CCDC157: variants seen among roughly 807,000 people sequenced by gnomAD.
The protein encoded by CCDC157 is coiled-coil domain containing 157.
In CCDC157, 60 loss-of-function variants were observed where a neutral mutation model predicts 70.9. The ratio of observed to expected loss-of-function variants is 0.85; its 90% CI spans 0.69 to 1.05. CCDC157 has a LOEUF of 1.05. Among genes scored for constraint, CCDC157 ranks in the 50% least tolerant of loss-of-function variants. The pLI is 0.00. For missense variants in CCDC157, 943 were observed against 984.2 expected (o/e 0.96, Z 0.56); for synonymous variants, 373 against 422.4 (o/e 0.88, Z 1.43).
At position 30,370,700 on chromosome 22, in the gene CCDC157, G is replaced by A; in HGVS notation, c.795G>A (p.Arg265=). The change falls in exon 5 of 12, where the codon AGG becomes AGA. Residue 265 remains arginine (R), a synonymous_variant. Coordinates refer to ENST00000338306, the MANE Select transcript of CCDC157 (RefSeq NM_001017437.5). The part of the protein sequence containing the change: ...QQLVQDSMGL[R]PLPAATVGRW... ...TGGTGCAGGACAGCATGGGGCTCAG[G>A]CCACTGCCGGCTGCCACCGTGGGCC... The A allele has an allele frequency of 1.9e-6, 3 of 1,613,410 alleles. No individual in the cohort carries two copies. Among genetic ancestry groups the A allele is most frequent in the Non-Finnish European group, 2.5e-6 (3 of 1,179,830 alleles).
chr22:30,368,380 A>G (rs535914563), intron 3 of CCDC157, among the ~76,000 whole-genome samples: 5 of 152,244 alleles, frequency 3.3e-5, no homozygotes, highest in South Asian at 2.1e-4. Context: ...CCTCTGCCCT[A>G]CCTGACCCTC....
At position 30,370,577 on chromosome 22, in the gene CCDC157, C is replaced by T. The variant is rs199878034; in HGVS notation, c.672C>T (p.Cys224=). The change falls in exon 5 of 12, where the codon TGC becomes TGT. Residue 224 remains cysteine (C), a synonymous_variant. Coordinates refer to ENST00000338306, the MANE Select transcript of CCDC157 (RefSeq NM_001017437.5). Reference sequence around the variant, plus strand: ...CGGCCCTGGTGCCCTGTGACGCATGCGCCAGCGTCCAGGGAAGCCTGCAGA... The same window carrying T: ...CGGCCCTGGTGCCCTGTGACGCATGTGCCAGCGTCCAGGGAAGCCTGCAGA... The part of the protein sequence containing the change: ...IETALVPCDA[C]ASVQGSLQKV... The T allele has an allele frequency of 8.7e-6, 14 of 1,614,042 alleles. No homozygotes were observed. Among genetic ancestry groups the T allele is most frequent in the East Asian group, 6.7e-5 (3 of 44,880 alleles).
chr22:30,375,479 G>C lies in CCDC157; in HGVS notation c.1673G>C (p.Gly558Ala). ...TAAGGTCCTGTCCCATTGGGCACAG[G>C]AGGCAGATCCAGCAGCGTGGAATCC... ...LHRPTETQIH[G>A]GRSSSVESQI... The change falls in exon 10 of 12, where the codon GGA (glycine) becomes GCA (alanine). Residue 558 changes from glycine to alanine, a missense_variant and splice_region_variant. Physicochemically the swap from Gly to Ala is moderately conservative, Grantham distance 60 (BLOSUM62 0). Coordinates refer to ENST00000338306, the MANE Select transcript of CCDC157 (RefSeq NM_001017437.5). 2.5e-6 allele frequency: 4 copies of C among 1,614,088 alleles called. 1 individual carries two copies. In the South Asian group the frequency reaches 4.4e-5, roughly 18 times the overall value.
At chr22:30,376,028 A>AG (rs982338325) in intron 10 of CCDC157, 3 of 554,806 alleles carry the variant, frequency 5.4e-6, no homozygotes, top group Non-Finnish European at 9.5e-6. Flanking sequence ...TTTCTACAAA[A>AG]AAAAAAAGAA....
Position 30,370,856 on chromosome 22 carries a change from G to C in CCDC157, c.951G>C (p.Ala317=). ...LRKQAGKLEQ[A]LKQEQGARRR... is the part of the protein sequence containing the mutation. ...AGCAGGCGGGCAAGCTGGAGCAGGC[G>C]CTGAAACAGGAGCAGGGGGCACGGC... is the stretch of plus-strand genomic sequence containing the variant. Residue 317 remains alanine (A), a synonymous_variant, in exon 5 of 12, where the codon GCG becomes GCC. Transcript: ENST00000338306. 1 of 1,612,430 alleles carries C rather than the reference G, an allele frequency of 6.2e-7. No individual in the cohort carries two copies. The highest frequency in any genetic ancestry group is 8.5e-7 in the Non-Finnish European group (1 of 1,179,980).
intron 2 of CCDC157, among the ~76,000 whole-genome samples, chr22:30,364,350 CAAAA>C (rs1226794043): frequency 6.6e-6 from 1 of 151,294 alleles, no homozygotes; most frequent in Non-Finnish European, 1.5e-5. Flanking sequence ...CAAAACAAGA[CAAAA>C]AAAGTAAAAA....
chr22:30,375,275 G>C, intron 9 of CCDC157: 1 of 552,994 alleles, frequency 1.8e-6, no homozygotes, highest in Non-Finnish European at 3.2e-6. Context: ...TCTTTTGAGA[G>C]CTCTAGGTCC....
intron 3 of CCDC157, 101 bp from the exon 4 acceptor site, chr22:30,369,331 G>T (rs1438658223): frequency 4.6e-6 from 5 of 1,097,002 alleles, no homozygotes; most frequent in Non-Finnish European, 6.1e-6. Flanking sequence ...CCAAGCTCTT[G>T]ATGCCTGGGC....
chr22:30,371,705 G>GC lies in CCDC157; in HGVS notation c.1102dup (p.Arg368ProfsTer19). 1 of 1,614,142 alleles carries GC rather than the reference G, an allele frequency of 6.2e-7. No homozygotes were observed. The highest frequency in any genetic ancestry group is 8.5e-7 in the Non-Finnish European group (1 of 1,179,980). On this transcript the variant is annotated frameshift_variant, in exon 6 of 12. Transcript: ENST00000338306. LOFTEE classifies it high-confidence loss of function. Reference sequence around the variant, plus strand: ...CCCTGGAGAGAGAACTGAAACAGCAGCGGGAGTCCACACAGGCTGTGGGTA... The same window carrying GC: ...CCCTGGAGAGAGAACTGAAACAGCAGCCGGGAGTCCACACAGGCTGTGGGTA...
At chr22:30,371,198 G>A (rs1601737325) in intron 5 of CCDC157, 5 of 572,960 alleles carry the variant, frequency 8.7e-6, no homozygotes, top group Non-Finnish European at 1.6e-5. Context: ...TCGTCCATCG[G>A]TCAGTGAGGG....
intron 5 of CCDC157, 35 bp from the exon 6 acceptor site, chr22:30,371,615 G>T (rs367593529): frequency 7.7e-5 from 121 of 1,575,564 alleles, no homozygotes; most frequent in Non-Finnish European, 1.0e-4. Flanking sequence ...AGGTCCATGG[G>T]ACCCTCTGAA....
At chr22:30,364,611 T>C (rs1236419937) in intron 2 of CCDC157, among the ~76,000 whole-genome samples, 2 of 152,254 alleles carry the variant, frequency 1.3e-5, no homozygotes, top group Admixed American at 1.3e-4. Flanking sequence ...AAGACCATCC[T>C]GGCCAACATG....
At chr22:30,369,298 A>G in intron 3 of CCDC157, 134 bp from the exon 4 acceptor site, 1 of 794,562 alleles carries the variant, frequency 1.3e-6, no homozygotes. Flanking sequence ...AAGCTGGCCC[A>G]GCAGAGCATA....
At chr22:30,371,844 C>CA in intron 6 of CCDC157, 117 bp downstream of exon 6, 4 of 994,940 alleles carry the variant, frequency 4.0e-6, no homozygotes, top group Non-Finnish European at 6.2e-6. Flanking sequence ...GAACCAGCCA[C>CA]AGGAGGGTGG....
intron 3 of CCDC157, among the ~76,000 whole-genome samples, chr22:30,368,005 C>T (rs867183023): frequency 6.6e-6 from 1 of 152,160 alleles, no homozygotes; most frequent in African/African-American, 2.4e-5. Context: ...GAGCTGAGAT[C>T]GTGCCATTGC....
chr22:30,366,304 C>G, intron 3 of CCDC157, 56 bp downstream of exon 3: 1 of 1,601,832 alleles, frequency 6.2e-7, no homozygotes. Flanking sequence ...GCCCCTGAAA[C>G]CAGTGGCAGC....
In CCDC157 at chr22:30,376,700, G is replaced by C; in HGVS notation, c.2214G>C (p.Arg738=). The C allele has an allele frequency of 1.2e-6, 2 of 1,613,386 alleles. No individual in the cohort carries two copies. The highest frequency in any genetic ancestry group is 1.7e-6 in the Non-Finnish European group (2 of 1,180,018). The change falls in exon 12 of 12, where the codon CGG becomes CGC. Residue 738 remains arginine (R), a synonymous_variant. Transcript: ENST00000338306. ...VRLRKRLSPG[R]GQASSAHQPQ... Reference sequence around the variant, plus strand: ...TGAGAAAGAGACTGTCACCTGGCCGGGGACAGGCCAGCTCTGCACACCAGC... The same window carrying C: ...TGAGAAAGAGACTGTCACCTGGCCGCGGACAGGCCAGCTCTGCACACCAGC...
At chr22:30,372,505 C>A in intron 7 of CCDC157, 1 of 554,750 alleles carries the variant, frequency 1.8e-6, no homozygotes, top group Non-Finnish European at 2.9e-6. Context: ...AGGCCTCACT[C>A]TGGAAGAGCG....
upstream of CCDC157, chr22:30,356,868 G>A: frequency 8.3e-7 from 1 of 1,208,214 alleles, no homozygotes; most frequent in Non-Finnish European, 1.1e-6. Flanking sequence ...TCCCCGCTCG[G>A]TCAGTACGAC....
Sources: gnomAD v4.1 joint callset for allele counts (sites outside exome capture counted in the v4.1 genomes callset) on GRCh38, gnomAD v4.1.1 for gene constraint, MANE v1.5 for transcripts, NCBI Gene and HGNC (gene_info 2026-07-23, HGNC 2026-07-21) for gene names.